Variants in MAP4 observed in about 807,000 individuals in gnomAD.
The protein encoded by MAP4 is microtubule associated protein 4, also known as microtubule-associated protein 4.
MAP4 carries 76 observed loss-of-function variants against 170.2 expected under a neutral mutation model. The observed-to-expected ratio is 0.45, with a 90% CI of 0.37 to 0.54. The LOEUF (loss-of-function observed/expected upper bound fraction) is 0.54, where lower values mean the gene tolerates loss of function less well. MAP4 is among the 20% of genes least tolerant of loss of function. The probability of loss-of-function intolerance (pLI) is 0.00; values close to 1 mark genes in which losing one functional copy is unlikely to be tolerated. For synonymous variants in MAP4, 909 were observed against 994.5 expected (o/e 0.91, Z 1.62); for missense variants, 2,506 against 2,748.0 (o/e 0.91, Z 1.97).
rs192977437 is a variant in MAP4, at chr3:48,076,556, G to A, written c.-20+12217C>T. On this transcript the variant is annotated intron_variant, in intron 1 of 18. Transcript: ENST00000360240. The stretch of plus-strand genomic sequence containing the variant: ...TAGCCAAGCATCATGGTGCACACCT[G>A]TAGTCCTACCTACTCAGGAGACTGA... 7.3e-4 allele frequency among the ~76,000 whole-genome samples: 111 copies of A among 151,208 alleles called. 1 individual carries two copies. The highest frequency in any genetic ancestry group is 2.6e-3 in the African/African-American group (107 of 41,228).
At chr3:47,948,716 G>A (rs999871334) in intron 3 of MAP4, among the ~76,000 whole-genome samples, 3 of 152,014 alleles carry the variant, frequency 2.0e-5, no homozygotes, top group Admixed American at 1.3e-4. Flanking sequence ...CCGCCTCCCA[G>A]GTTCAATCAG....
rs1053582528 is a variant in MAP4 at position 47,959,458 on chromosome 3, GA to G, written c.292+18406del. Among the ~76,000 whole-genome samples the G allele has an allele frequency of 9.1e-3, 1,228 of 135,414 alleles. 12 individuals carry two copies. The highest frequency in any genetic ancestry group is 0.021 in the African/African-American group (756 of 36,846). 88.8% of individuals were successfully genotyped at this position (135,414 alleles called of 152,430 possible). ...CTGGGCAAAAGAGCGATTTTCAAGG[GA>G]AAAAAAAAAAAATGTGGCTGGGCGC... On this transcript the variant is annotated intron_variant, in intron 3 of 20. Transcript: ENST00000683076.
At chr3:47,937,272 T>TA (rs2153959037) in intron 3 of MAP4, among the ~76,000 whole-genome samples, 1 of 152,316 alleles carries the variant, frequency 6.6e-6, no homozygotes, top group South Asian at 2.1e-4. Context: ...CTTGGTCATT[T>TA]AAGTAGATGA....
intron 10 of MAP4, among the ~76,000 whole-genome samples, chr3:47,894,428 A>G (rs891321262): frequency 6.6e-6 from 1 of 151,976 alleles, no homozygotes; most frequent in Non-Finnish European, 1.5e-5. Flanking sequence ...TAAAAAATAC[A>G]AAAAATTAGC....
At position 48,072,459 on chromosome 3, in the gene MAP4, C is replaced by A. The variant is rs956663137; in HGVS notation, c.-20+16314G>T. On this transcript the variant is annotated intron_variant, in intron 1 of 18. Coordinates refer to the MAP4 transcript ENST00000360240. ...GAGGCTGCAGTGAGCCAAGAAGGCG[C>A]CACTGCACTCCAGCCTGGGCAACAG... 6.6e-5 allele frequency among the ~76,000 whole-genome samples: 10 copies of A among 151,550 alleles called. No homozygotes were observed. The South Asian group carries it at 2.1e-3, about 32-fold the overall frequency.
Position 47,911,429 on chromosome 3 carries a change from G to A in MAP4, c.2992C>T (p.Leu998=). 6.5e-7 allele frequency: 1 copy of A among 1,536,142 alleles called. No individual in the cohort carries two copies. The highest frequency in any genetic ancestry group is 1.7e-4 in the Middle Eastern group (1 of 5,990). The change falls in exon 9 of 21, where the codon CTG becomes TTG. Residue 998 remains leucine (L), a synonymous_variant. Coordinates refer to ENST00000683076, the MANE Select transcript of MAP4 (RefSeq NM_001385682.1). This position sits in a 1 kb window ranked among gnomAD's most constrained non-coding sequence, Gnocchi z 4.0. ...AACTCCTTCAGTTTGACATTCTGCAGTTTAGTCATTTTACTTTCATTATTC... is the reference window on the plus strand; with the variant it reads ...AACTCCTTCAGTTTGACATTCTGCAATTTAGTCATTTTACTTTCATTATTC... ...EGNNESKMTK[L]QNVKLKEFPE...
At chr3:48,078,311 ATTTTTTTTTTTTT>A (rs758589017) in intron 1 of MAP4, among the ~76,000 whole-genome samples, 2 of 125,240 alleles carry the variant, frequency 1.6e-5, no homozygotes, top group Non-Finnish European at 3.4e-5. Context: ...TGCCTGGCTA[ATTTTTTTTTTTTT>A]TTTTTTTTTG....
intron 2 of MAP4, among the ~76,000 whole-genome samples, chr3:47,985,376 C>A (rs2100088027): frequency 6.6e-6 from 1 of 151,886 alleles, no homozygotes; most frequent in South Asian, 2.1e-4. Flanking sequence ...GAGGTCAAGG[C>A]TGCAGGGAGC....
intron 2 of MAP4, among the ~76,000 whole-genome samples, chr3:47,995,722 A>C (rs545796851): frequency 1.3e-5 from 2 of 152,152 alleles, no homozygotes; most frequent in African/African-American, 4.8e-5. Context: ...CCTAACAACA[A>C]GAAACAGCCA....
Position 47,852,597 on chromosome 3 carries a change from A to G in MAP4, c.*337T>C. On this transcript the variant is annotated 3_prime_UTR_variant, in exon 21 of 21. Coordinates refer to ENST00000683076, the MANE Select transcript of MAP4 (RefSeq NM_001385682.1). ...TCTCCTAGATCCCAACTTAGCCTCA[A>G]CCACCCCAACCCCCTCCCAACCTCC... 1.4e-6 allele frequency: 1 copy of G among 712,890 alleles called. No individual in the cohort carries two copies. Among genetic ancestry groups the G allele is most frequent in the Non-Finnish European group, 2.2e-6 (1 of 453,710 alleles). The allele number at this position is 712,890 out of a possible 1,614,324, so 44.2% of individuals were successfully genotyped here.
chr3:47,929,557 C>T (rs773767431), intron 3 of MAP4, among the ~76,000 whole-genome samples: 6 of 132,128 alleles, frequency 4.5e-5, no homozygotes, highest in Non-Finnish European at 9.4e-5. Context: ...ACACTGACCA[C>T]ATACCATATG....
Position 48,079,755 on chromosome 3 carries a change from C to T in MAP4, c.-20+9018G>A, listed in dbSNP as rs1218802308. The stretch of plus-strand genomic sequence containing the variant: ...CAAGAGGTCAGGAGATCGAGAGCAT[C>T]CTGGCTAACAAAGTGAAACACCGTC... On this transcript the variant is annotated intron_variant, in intron 1 of 18. Transcript: ENST00000360240. Among the ~76,000 whole-genome samples, 11 of 152,016 alleles carry T rather than the reference C, an allele frequency of 7.2e-5. No homozygotes were observed. The East Asian group carries it at 7.7e-4, about 11-fold the overall frequency.
intron 1 of MAP4, among the ~76,000 whole-genome samples, chr3:48,063,551 T>C (rs115588688): frequency 2.2e-3 from 333 of 152,282 alleles, no homozygotes; most frequent in African/African-American, 7.8e-3. Flanking sequence ...CATGTGGACA[T>C]TTATAGTAGC....
At chr3:47,854,823 T>C (rs377656148) in intron 19 of MAP4, among the ~76,000 whole-genome samples, 296 of 151,054 alleles carry the variant, frequency 2.0e-3, no homozygotes, top group African/African-American at 7.1e-3. Context: ...CAGCTAAGAA[T>C]GTGCTGTCCT....
At chr3:48,031,156 A>G (rs573471004) in intron 1 of MAP4, among the ~76,000 whole-genome samples, 1 of 152,336 alleles carries the variant, frequency 6.6e-6, no homozygotes, top group African/African-American at 2.4e-5. Flanking sequence ...TACATCTGTA[A>G]TCCCAGCACT....
intron 1 of MAP4, among the ~76,000 whole-genome samples, chr3:48,031,724 C>CA (rs895454565): frequency 6.6e-5 from 10 of 151,168 alleles, no homozygotes; most frequent in Non-Finnish European, 8.9e-5. Context: ...GACTCTTTCT[C>CA]AAAAAAAAAT....
chr3:48,055,142 A>G (rs1484988049), intron 1 of MAP4, among the ~76,000 whole-genome samples: 1 of 152,028 alleles, frequency 6.6e-6, no homozygotes. Context: ...CCTCCACCAT[A>G]TTATATCAAT....
intron 3 of MAP4, among the ~76,000 whole-genome samples, chr3:47,949,282 A>G (rs2100062106): frequency 6.6e-6 from 1 of 151,932 alleles, no homozygotes. Context: ...CCTGGCCAAC[A>G]TGGTGAAACC....
chr3:47,907,127 G>A (rs930856288), intron 9 of MAP4, among the ~76,000 whole-genome samples: 7 of 152,136 alleles, frequency 4.6e-5, no homozygotes, highest in East Asian at 1.9e-4. Flanking sequence ...GAGCCACTGC[G>A]CCTGGCTTCT....
Sources: allele counts gnomAD v4.1 joint callset (sites outside exome capture counted in the v4.1 genomes callset), GRCh38; gene constraint gnomAD v4.1.1; non-coding constraint Gnocchi (gnomAD v3.1); transcripts MANE v1.5; gene names NCBI Gene and HGNC (gene_info 2026-07-23, HGNC 2026-07-21).